SMIM41: variants seen among roughly 807,000 people sequenced by gnomAD.
SMIM41 encodes small integral membrane protein 41.
chr12:52,107,525 C>T lies in SMIM41; in HGVS notation c.*342C>T, dbSNP rs1438806195. ...CCTCCATGTACTTCTTCCTCTCCAA[C>T]CTGTCCTTGCCTGACATCGGTTTCA... On this transcript the variant is annotated 3_prime_UTR_variant, in exon 3 of 3. Transcript: ENST00000546390. 2.1e-6 allele frequency: 2 copies of T among 964,878 alleles called. No individual in the cohort carries two copies. Among genetic ancestry groups the T allele is most frequent in the East Asian group, 3.3e-5 (1 of 30,090 alleles). The allele number at this position is 964,878 out of a possible 1,614,324, so 59.8% of individuals were successfully genotyped here.
intron 2 of SMIM41, among the ~76,000 whole-genome samples, chr12:52,094,422 C>T (rs758278440): frequency 3.9e-5 from 6 of 151,966 alleles, no homozygotes; most frequent in African/African-American, 9.7e-5. Context: ...AGGCTGGTCT[C>T]GAACTCCTGA....
Position 52,095,892 on chromosome 12 carries a change from G to A in SMIM41, c.*196-11487G>A, listed in dbSNP as rs138376024. Among the ~76,000 whole-genome samples, 344 of 152,112 alleles carry A rather than the reference G, an allele frequency of 2.3e-3. 2 individuals are homozygous for A. Among genetic ancestry groups the A allele is most frequent in the African/African-American group, 7.8e-3 (324 of 41,438 alleles). The stretch of plus-strand genomic sequence containing the variant: ...TCATCTTCTCTTCTTCTGGATAGTA[G>A]GAACAATATCACACGGGTTTGTACA... On this transcript the variant is annotated intron_variant, in intron 2 of 2. Coordinates refer to ENST00000546390, the MANE Select transcript of SMIM41 (RefSeq NM_001369216.1).
chr12:52,094,595 G>A (rs1379792446), intron 2 of SMIM41: 1 of 152,572 alleles, frequency 6.6e-6, no homozygotes, highest in East Asian at 1.9e-4. Context: ...TGTACCCCCT[G>A]GGATGTTGGT....
chr12:52,094,855 A>G (rs1940062369), intron 2 of SMIM41: 1 of 152,232 alleles, frequency 6.6e-6, no homozygotes, highest in East Asian at 1.9e-4. Flanking sequence ...AACTTCTGCT[A>G]TAATATGACC....
chr12:52,102,843 T>C (rs117382695), intron 2 of SMIM41, among the ~76,000 whole-genome samples: 1,824 of 152,326 alleles, frequency 0.012, 15 homozygotes, highest in Non-Finnish European at 0.018. Flanking sequence ...GTTCCCGCAG[T>C]TGCACTTGTG....
At chr12:52,094,077 G>C (rs1016835862) in intron 2 of SMIM41, among the ~76,000 whole-genome samples, 1 of 146,316 alleles carries the variant, frequency 6.8e-6, no homozygotes, top group Non-Finnish European at 1.5e-5. Flanking sequence ...GTTGCAGTGA[G>C]CTGAGATTGC....
chr12:52,081,257 GC>G lies in SMIM41; in HGVS notation c.*120+1083del, dbSNP rs528903653. Among the ~76,000 whole-genome samples the G allele has an allele frequency of 7.9e-5, 12 of 152,024 alleles. No homozygotes were observed. Among genetic ancestry groups the G allele is most frequent in the Non-Finnish European group, 1.3e-4 (9 of 67,960 alleles). On this transcript the variant is annotated intron_variant, in intron 1 of 2. Transcript: ENST00000546390. This position sits in a 1 kb window ranked among gnomAD's most constrained non-coding sequence, Gnocchi z 4.1. ...GTCAGGGGTGACTTTGGCCTCTCTT[GC>G]CCCCCCTCCCCCGATTCTGGAGCCC...
intron 2 of SMIM41, among the ~76,000 whole-genome samples, chr12:52,087,039 C>T (rs984947672): frequency 5.3e-5 from 8 of 152,234 alleles, no homozygotes; most frequent in Admixed American, 1.3e-4. Flanking sequence ...CTGGCCCTCG[C>T]TGCAGCCAGC....
At chr12:52,103,357 C>CAAAAAAAAAAAAAAAAAAACA (rs532598136) in intron 2 of SMIM41, among the ~76,000 whole-genome samples, 2 of 116,982 alleles carry the variant, frequency 1.7e-5, no homozygotes, top group African/African-American at 3.1e-5. Context: ...AAAATAAAAC[C>CAAAAAAAAAAAAAAAAAAACA]AAAAAAAAAA....
chr12:52,097,144 A>C (rs1049001558), intron 2 of SMIM41, among the ~76,000 whole-genome samples: 2 of 151,976 alleles, frequency 1.3e-5, no homozygotes, highest in African/African-American at 4.8e-5. Flanking sequence ...CAGGGGGTGA[A>C]CACCCCCTCC....
At chr12:52,083,542 G>A (rs1939848062) in intron 1 of SMIM41, among the ~76,000 whole-genome samples, 1 of 152,234 alleles carries the variant, frequency 6.6e-6, no homozygotes, top group Non-Finnish European at 1.5e-5. Context: ...TCCGAGGGTG[G>A]GTGTGAAGTG....
chr12:52,098,018 G>T (rs1940133278), intron 2 of SMIM41, among the ~76,000 whole-genome samples: 1 of 148,084 alleles, frequency 6.8e-6, no homozygotes, highest in East Asian at 2.0e-4. Context: ...ATTGGGAGAA[G>T]TATCATCCTC....
intron 2 of SMIM41, among the ~76,000 whole-genome samples, chr12:52,098,739 G>T (rs11519982): frequency 1.2e-4 from 18 of 150,618 alleles, no homozygotes; most frequent in African/African-American, 4.9e-5. Context: ...TATCACGGGG[G>T]GGGGGGTGTA....
At chr12:52,098,822 G>T (rs1742756879) in intron 2 of SMIM41, among the ~76,000 whole-genome samples, 1 of 151,700 alleles carries the variant, frequency 6.6e-6, no homozygotes, top group African/African-American at 2.4e-5. Context: ...AGAGGGGGAG[G>T]GTGTACATTC....
chr12:52,095,630 G>A (rs947289866), intron 2 of SMIM41, among the ~76,000 whole-genome samples: 3 of 151,932 alleles, frequency 2.0e-5, no homozygotes, highest in South Asian at 2.1e-4. Context: ...CACCCCATGC[G>A]ATATTGAAAG....
chr12:52,092,198 T>C (rs1171370579), intron 2 of SMIM41: 1 of 152,238 alleles, frequency 6.6e-6, no homozygotes, highest in East Asian at 1.9e-4. Flanking sequence ...TTCCCAATTT[T>C]GAATGTATCT....
At chr12:52,105,008 A>G (rs567362136) in intron 2 of SMIM41, among the ~76,000 whole-genome samples, 1 of 152,368 alleles carries the variant, frequency 6.6e-6, no homozygotes, top group South Asian at 2.1e-4. Flanking sequence ...GCATTTTCAT[A>G]TAACTTGTAC....
At chr12:52,099,550 C>G (rs1250480333) in intron 2 of SMIM41, among the ~76,000 whole-genome samples, 1 of 151,940 alleles carries the variant, frequency 6.6e-6, no homozygotes, top group East Asian at 1.9e-4. Context: ...AAAGTAATAT[C>G]CTCTCCTCCA....
chr12:52,094,512 C>T (rs879046600), intron 2 of SMIM41, among the ~76,000 whole-genome samples: 17 of 152,110 alleles, frequency 1.1e-4, no homozygotes, highest in Admixed American at 9.8e-4. Flanking sequence ...CAACACAAAG[C>T]TTTGTTCTTG....
Sources: gnomAD v4.1 joint callset for allele counts (sites outside exome capture counted in the v4.1 genomes callset) on GRCh38, gnomAD v4.1.1 for gene constraint, Gnocchi (gnomAD v3.1) non-coding constraint, MANE v1.5 for transcripts, NCBI Gene and HGNC (gene_info 2026-07-23, HGNC 2026-07-21) for gene names.